Variants in GGPS1 observed in about 807,000 individuals in gnomAD.
GGPS1 encodes the protein geranylgeranyl diphosphate synthase 1, also known as geranylgeranyl pyrophosphate synthase.
GGPS1 carries 15 observed loss-of-function variants against 28.1 expected under a neutral mutation model. The ratio of observed to expected loss-of-function variants is 0.53; its 90% CI spans 0.36 to 0.82. The LOEUF is 0.82. Among genes scored for constraint, GGPS1 ranks in the 40% least tolerant of loss-of-function variants. GGPS1 has a pLI of 0.01. For missense variants in GGPS1, 284 were observed against 348.3 expected, an observed-to-expected ratio of 0.82 and a Z score of 1.47; for synonymous variants, 138 against 122.4, an observed-to-expected ratio of 1.13 and a Z score of -0.84.
chr1:235,332,626 T>C (rs1323006394), intron 1 of GGPS1, among the ~76,000 whole-genome samples: 1 of 152,210 alleles, frequency 6.6e-6, no homozygotes, highest in Non-Finnish European at 1.5e-5. Flanking sequence ...AATCAGTGTG[T>C]TTATTTACTG....
rs572680552 is a variant in GGPS1 at position 235,334,136 on chromosome 1, C to G, written c.-23-1106C>G. Reference sequence around the variant, plus strand: ...TTAATGCGTATTTTAAATCAGAAATCTCTGAAATGGATTGATTGTAGAGAA... The same window carrying G: ...TTAATGCGTATTTTAAATCAGAAATGTCTGAAATGGATTGATTGTAGAGAA... On this transcript the variant is annotated intron_variant, in intron 1 of 3. Coordinates refer to ENST00000282841, the MANE Select transcript of GGPS1 (RefSeq NM_004837.4). Among the ~76,000 whole-genome samples, 76 of 152,232 alleles carry G rather than the reference C, an allele frequency of 5.0e-4. 1 individual carries two copies. Among genetic ancestry groups the G allele is most frequent in the Admixed American group, 4.2e-3 (64 of 15,290 alleles).
intron 2 of GGPS1, 142 bp downstream of exon 2, chr1:235,335,476 A>C (rs934361351): frequency 5.9e-6 from 3 of 512,416 alleles, no homozygotes; most frequent in Non-Finnish European, 6.9e-6. Context: ...TGATAAATAG[A>C]ACATTATAAT....
chr1:235,333,280 G>A (rs1675772277), intron 1 of GGPS1, among the ~76,000 whole-genome samples: 1 of 151,794 alleles, frequency 6.6e-6, no homozygotes. Flanking sequence ...AGAAAAAAAG[G>A]ATCAGGCCGG....
At chr1:235,328,067 C>T (rs368044621), upstream of GGPS1, 2 of 153,158 alleles carry the variant, frequency 1.3e-5, no homozygotes, top group South Asian at 2.1e-4. Context: ...CTCTGCAGCT[C>T]CCTCCGGGCA....
At chr1:235,331,736 CA>C (rs1464114158) in intron 1 of GGPS1, among the ~76,000 whole-genome samples, 1 of 151,550 alleles carries the variant, frequency 6.6e-6, no homozygotes, top group African/African-American at 2.4e-5. Context: ...AGCACTTGCA[CA>C]GTTGATGGTT....
chr1:235,338,290 G>T (rs1392350803), intron 2 of GGPS1, among the ~76,000 whole-genome samples: 3 of 151,818 alleles, frequency 2.0e-5, no homozygotes, highest in African/African-American at 7.3e-5. Flanking sequence ...ACTGAGGTGG[G>T]ATGATTACCG....
At chr1:235,335,774 G>A (rs1375272027) in intron 2 of GGPS1, among the ~76,000 whole-genome samples, 1 of 152,192 alleles carries the variant, frequency 6.6e-6, no homozygotes, top group East Asian at 1.9e-4. Flanking sequence ...TCTCATTGGA[G>A]GTTGTACTCT....
rs1675580508 is a variant in GGPS1 at position 235,329,010 on chromosome 1, TC to T, written c.-24+236del. 2.0e-5 allele frequency: 3 copies of T among 152,190 alleles called. 1 individual carries two copies. Among genetic ancestry groups the T allele is most frequent in the South Asian group, 4.1e-4 (2 of 4,870 alleles). 9.4% of individuals were successfully genotyped at this position (152,190 alleles called of 1,614,324 possible). A position where few individuals can be genotyped will look rare whatever the true frequency, so the allele number is the denominator to read the frequency against. Reference sequence around the variant, plus strand: ...AGGAAGCAGAAACCTCACCGTTTCTTCCCCTCCGGACTCTGTGCTAGCACTG... The same window carrying T: ...AGGAAGCAGAAACCTCACCGTTTCTTCCCTCCGGACTCTGTGCTAGCACTG... On this transcript the variant is annotated intron_variant, in intron 1 of 3. Transcript: ENST00000282841.
In GGPS1 at chr1:235,343,637, GT is replaced by G. The variant is rs1372442513; in HGVS notation, c.*869del. 6.0e-6 allele frequency: 1 copy of G among 166,944 alleles called. No individual in the cohort carries two copies. The highest frequency in any genetic ancestry group is 1.5e-5 in the Non-Finnish European group (1 of 68,096). The allele number at this position is 166,944 out of a possible 1,614,324, so 10.3% of individuals were successfully genotyped here. Reference sequence around the variant, plus strand: ...TTTTTCCTTCCTCTCCACCCCACAAGTTTTGCTTTTTAACCAAGGTGTCTCT... The same window carrying G: ...TTTTTCCTTCCTCTCCACCCCACAAGTTTGCTTTTTAACCAAGGTGTCTCT... On this transcript the variant is annotated 3_prime_UTR_variant, in exon 4 of 4. Transcript: ENST00000282841.
At chr1:235,335,818 T>G (rs1237171315) in intron 2 of GGPS1, among the ~76,000 whole-genome samples, 1 of 152,242 alleles carries the variant, frequency 6.6e-6, no homozygotes, top group African/African-American at 2.4e-5. Flanking sequence ...TCCCCACTGT[T>G]TAGATATTAG....
At chr1:235,336,173 A>G (rs1040142744) in intron 2 of GGPS1, among the ~76,000 whole-genome samples, 1 of 152,176 alleles carries the variant, frequency 6.6e-6, no homozygotes, top group Non-Finnish European at 1.5e-5. Context: ...CGGGCGGATC[A>G]TGAGGTCAAG....
chr1:235,341,659 C>A, intron 2 of GGPS1, 49 bp from the exon 3 acceptor site: 1 of 1,009,376 alleles, frequency 9.9e-7, no homozygotes, highest in Non-Finnish European at 1.6e-6. Flanking sequence ...TTAAAATACT[C>A]ATAATTAAAA....
In GGPS1 at chr1:235,340,187, T is replaced by C. The variant is rs143922154; in HGVS notation, c.71-1521T>C. ...AGCTTTCCGTGTAAGAAAAAGATGA[T>C]ACTGTTGGGTGAAGTGACTCAACGT... On this transcript the variant is annotated intron_variant, in intron 2 of 3. Coordinates refer to ENST00000282841, the MANE Select transcript of GGPS1 (RefSeq NM_004837.4). 2.6e-3 allele frequency among the ~76,000 whole-genome samples: 391 copies of C among 152,246 alleles called. 1 individual carries two copies. The highest frequency in any genetic ancestry group is 0.021 in the Middle Eastern group (6 of 292).
intron 1 of GGPS1, chr1:235,329,219 C>T (rs752048532): frequency 6.6e-6 from 1 of 152,250 alleles, no homozygotes; most frequent in Admixed American, 6.5e-5. Flanking sequence ...AGGCCCTTCC[C>T]TTTGAAAAGT....
At chr1:235,340,598 T>C (rs1448512825) in intron 2 of GGPS1, among the ~76,000 whole-genome samples, 4 of 150,186 alleles carry the variant, frequency 2.7e-5, no homozygotes, top group African/African-American at 7.3e-5. Flanking sequence ...GAGCCGGGCG[T>C]GGTAGCGGGC....
intron 2 of GGPS1, among the ~76,000 whole-genome samples, chr1:235,339,301 G>GA (rs1004370505): frequency 3.3e-5 from 5 of 150,772 alleles, no homozygotes; most frequent in Non-Finnish European, 3.0e-5. Flanking sequence ...CTCGATCTCA[G>GA]AAAAAAAATA....
At position 235,343,660 on chromosome 1, in the gene GGPS1, C is replaced by G. The variant is rs980157859; in HGVS notation, c.*888C>G. ...AAGTTTTGCTTTTTAACCAAGGTGT[C>G]TCTGCTTGATGAAATTCACATGCTA... is the stretch of plus-strand genomic sequence containing the variant. On this transcript the variant is annotated 3_prime_UTR_variant, in exon 4 of 4. Coordinates refer to ENST00000282841, the MANE Select transcript of GGPS1 (RefSeq NM_004837.4). 3 of 166,966 alleles carry G rather than the reference C, an allele frequency of 1.8e-5. No individual in the cohort carries two copies. Among genetic ancestry groups the G allele is most frequent in the African/African-American group, 7.2e-5 (3 of 41,400 alleles). 10.3% of individuals were successfully genotyped at this position (166,966 alleles called of 1,614,324 possible).
Position 235,342,250 on chromosome 1 carries a change from C to T in GGPS1, c.381C>T (p.Gly127=). The change falls in exon 4 of 4, where the codon GGC becomes GGT. Residue 127 remains glycine, a synonymous_variant. Transcript: ENST00000282841. ...RQLLELHQGQ[G]LDIYWRDNYT... ...TTTTGGAACTCCATCAGGGACAAGG[C>T]CTAGATATTTACTGGAGGGATAATT... 6.2e-7 allele frequency: 1 copy of T among 1,614,022 alleles called. No individual in the cohort carries two copies.
chr1:235,340,735 C>CAAAAAAAAAAA (rs1165162184), intron 2 of GGPS1, among the ~76,000 whole-genome samples: 1 of 50,996 alleles, frequency 2.0e-5, no homozygotes, highest in African/African-American at 8.4e-5. Context: ...GACTCCGTCT[C>CAAAAAAAAAAA]AAAAAAAAAA....
Sources: gnomAD v4.1 joint callset for allele counts (sites outside exome capture counted in the v4.1 genomes callset) on GRCh38, gnomAD v4.1.1 for gene constraint, MANE v1.5 for transcripts, NCBI Gene and HGNC (gene_info 2026-07-23, HGNC 2026-07-21) for gene names.